Variants in GALNT18 observed in about 807,000 individuals in gnomAD.
GALNT18 encodes the protein GalNAc-transferase 18.
In GALNT18, 44 loss-of-function variants were observed where a neutral mutation model predicts 69.5. The observed-to-expected ratio is 0.63, with a 90% CI of 0.50 to 0.81. The LOEUF (loss-of-function observed/expected upper bound fraction) is 0.81, where lower values mean the gene tolerates loss of function less well. GALNT18 is among the 40% of genes least tolerant of loss of function. The pLI, the probability that GALNT18 is intolerant of heterozygous loss-of-function variation, is 0.00. For synonymous variants in GALNT18, 364 were observed against 318.2 expected, an observed-to-expected ratio of 1.14 and a Z score of -1.53; for missense variants, 715 against 810.0, an observed-to-expected ratio of 0.88 and a Z score of 1.42.
chr11:11,536,665 C>G (rs986663443), intron 1 of GALNT18, among the ~76,000 whole-genome samples: 1 of 148,114 alleles, frequency 6.8e-6, no homozygotes, highest in African/African-American at 2.5e-5. Flanking sequence ...AAAAAAAAAA[C>G]CTCCTGGTCC....
At chr11:11,307,151 C>T (rs998407627) in intron 9 of GALNT18, among the ~76,000 whole-genome samples, 3 of 137,712 alleles carry the variant, frequency 2.2e-5, no homozygotes, top group Non-Finnish European at 4.8e-5. Flanking sequence ...CTAGCCTAGC[C>T]CAAATTGCCT....
At chr11:11,425,322 A>T (rs909707272) in intron 3 of GALNT18, among the ~76,000 whole-genome samples, 1 of 152,242 alleles carries the variant, frequency 6.6e-6, no homozygotes, top group African/African-American at 2.4e-5. Context: ...CTTCAAGCAC[A>T]TGAAGGGCTG....
intron 1 of GALNT18, among the ~76,000 whole-genome samples, chr11:11,535,961 C>T (rs555204487): frequency 6.6e-6 from 1 of 152,202 alleles, no homozygotes; most frequent in Non-Finnish European, 1.5e-5. Context: ...GAGGGCCTTT[C>T]CCATGTAGAG....
intron 6 of GALNT18, among the ~76,000 whole-genome samples, chr11:11,358,825 A>AC (rs1313338108): frequency 1.1e-5 from 1 of 94,196 alleles, no homozygotes; most frequent in Admixed American, 1.1e-4. Flanking sequence ...AATCCACACA[A>AC]AACACACACA....
In GALNT18 at chr11:11,604,056, C is replaced by T. The variant is rs946607895; in HGVS notation, c.235+17303G>A. On this transcript the variant is annotated intron_variant, in intron 1 of 10. Transcript: ENST00000227756. This position sits in a 1 kb window ranked among gnomAD's most constrained non-coding sequence, Gnocchi z 5.6. ...TTCTACCATGTGAAACACAAAGGTG[C>T]CATCTACGAGCAAGAAATTGGGCCC... Among the ~76,000 whole-genome samples the T allele has an allele frequency of 2.0e-5, 3 of 152,126 alleles. No homozygotes were observed. The highest frequency in any genetic ancestry group is 4.4e-5 in the Non-Finnish European group (3 of 68,026).
intron 6 of GALNT18, among the ~76,000 whole-genome samples, chr11:11,361,932 A>T (rs1384299999): frequency 6.6e-6 from 1 of 152,326 alleles, no homozygotes; most frequent in Middle Eastern, 3.4e-3. Context: ...ACTTACAAAC[A>T]TAAAGCCTAT....
chr11:11,282,141 C>T (rs892446635), intron 10 of GALNT18, among the ~76,000 whole-genome samples: 1 of 152,128 alleles, frequency 6.6e-6, no homozygotes, highest in Admixed American at 6.5e-5. Context: ...TCCTCCTGTC[C>T]CCCTTCTTGA....
chr11:11,601,781 A>G lies in GALNT18; in HGVS notation c.235+19578T>C, dbSNP rs1859640632. Among the ~76,000 whole-genome samples the G allele has an allele frequency of 6.6e-6, 1 of 152,218 alleles. No individual in the cohort carries two copies. Among genetic ancestry groups the G allele is most frequent in the South Asian group, 2.1e-4 (1 of 4,832 alleles). On this transcript the variant is annotated intron_variant, in intron 1 of 10. Transcript: ENST00000227756. This position sits in a 1 kb window ranked among gnomAD's most constrained non-coding sequence, Gnocchi z 4.0. ...GAAACTGTGACTTTAAGCAAAATAT[A>G]ACATATAACAAAACCTGTTTTTTTC...
intron 4 of GALNT18, 77 bp downstream of exon 4, chr11:11,379,004 C>T: frequency 7.6e-7 from 1 of 1,321,234 alleles, no homozygotes; most frequent in Non-Finnish European, 1.0e-6. Flanking sequence ...GACCAAGATC[C>T]TAGCATGCTT....
chr11:11,378,694 G>A (rs1194888506), intron 4 of GALNT18, among the ~76,000 whole-genome samples: 1 of 152,238 alleles, frequency 6.6e-6, no homozygotes, highest in African/African-American at 2.4e-5. Context: ...CTGGCTGTGA[G>A]GCTGGGCTTC....
At chr11:11,450,424 CAA>C (rs554389051) in intron 1 of GALNT18, among the ~76,000 whole-genome samples, 41 of 152,242 alleles carry the variant, frequency 2.7e-4, no homozygotes, top group African/African-American at 9.1e-4. Context: ...GGGAGGCTTC[CAA>C]AACATAGGCT....
At chr11:11,460,591 C>T (rs1398866529) in intron 1 of GALNT18, among the ~76,000 whole-genome samples, 1 of 152,204 alleles carries the variant, frequency 6.6e-6, no homozygotes, top group Non-Finnish European at 1.5e-5. Context: ...GCCTTTCCTC[C>T]CTCGTACACT....
chr11:11,293,373 T>C (rs1379470992), intron 9 of GALNT18, among the ~76,000 whole-genome samples, 180 bp from the exon 10 acceptor site: 1 of 152,188 alleles, frequency 6.6e-6, no homozygotes, highest in African/African-American at 2.4e-5. Flanking sequence ...GAAACCCTTT[T>C]ACATTATGAT....
rs1287763509 is a variant in GALNT18, at chr11:11,586,433, T to C, written c.235+34926A>G. On this transcript the variant is annotated intron_variant, in intron 1 of 10. Transcript: ENST00000227756. This position sits in a 1 kb window ranked among gnomAD's most constrained non-coding sequence, Gnocchi z 4.1. ...ATAAAGGAGTCCTAAGACCAAAAAG[T>C]TTGAAAACTTCTGGCTTAAACTATA... Among the ~76,000 whole-genome samples the C allele has an allele frequency of 6.6e-6, 1 of 152,110 alleles. No homozygotes were observed. The highest frequency in any genetic ancestry group is 2.4e-5 in the African/African-American group (1 of 41,424).
chr11:11,410,337 A>G (rs1013845898), intron 3 of GALNT18, among the ~76,000 whole-genome samples: 3 of 152,052 alleles, frequency 2.0e-5, no homozygotes, highest in Non-Finnish European at 4.4e-5. Context: ...CCACTTTGAG[A>G]GTGCCACCTG....
rs528542986 is a variant in GALNT18 at position 11,602,001 on chromosome 11, A to C, written c.235+19358T>G. ...ATTATGGAGCTACTAACCTCCTCTT[A>C]AATGCTCGGAAATTGCTTTTATGCT... On this transcript the variant is annotated intron_variant, in intron 1 of 10. Coordinates refer to ENST00000227756, the MANE Select transcript of GALNT18 (RefSeq NM_198516.3). The surrounding 1 kb of genome is among the most constrained non-coding windows in gnomAD (Gnocchi z 4.7). 3.3e-5 allele frequency among the ~76,000 whole-genome samples: 5 copies of C among 152,166 alleles called. No homozygotes were observed. Among genetic ancestry groups the C allele is most frequent in the South Asian group, 4.2e-4 (2 of 4,814 alleles).
chr11:11,384,217 T>C (rs1220438939), intron 3 of GALNT18, among the ~76,000 whole-genome samples: 2 of 152,122 alleles, frequency 1.3e-5, no homozygotes, highest in African/African-American at 4.8e-5. Flanking sequence ...TATTAGGAGG[T>C]AGGGCCTCTG....
intron 3 of GALNT18, among the ~76,000 whole-genome samples, chr11:11,388,055 T>C (rs1256956305): frequency 2.0e-5 from 3 of 152,232 alleles, no homozygotes; most frequent in South Asian, 2.1e-4. Flanking sequence ...TGGCCTTAAA[T>C]AGTTCCCTTA....
intron 7 of GALNT18, among the ~76,000 whole-genome samples, chr11:11,333,492 C>T (rs1205565559): frequency 2.0e-5 from 3 of 152,184 alleles, no homozygotes; most frequent in African/African-American, 7.2e-5. Flanking sequence ...CAAGACTCCA[C>T]AACTAATAAA....
Sources: allele counts gnomAD v4.1 joint callset (sites outside exome capture counted in the v4.1 genomes callset), GRCh38; gene constraint gnomAD v4.1.1; non-coding constraint Gnocchi (gnomAD v3.1); transcripts MANE v1.5; gene names NCBI Gene and HGNC (gene_info 2026-07-23, HGNC 2026-07-21).